PDE4B: variants seen among roughly 807,000 people sequenced by gnomAD.
PDE4B encodes phosphodiesterase 4B.
PDE4B carries 20 observed loss-of-function variants against 82.2 expected under a neutral mutation model. That is an observed-to-expected ratio of 0.24 (90% CI 0.17 to 0.35). The LOEUF is 0.35. PDE4B is among the 10% of genes least tolerant of loss of function. PDE4B has a pLI of 1.00. For synonymous variants in PDE4B, 320 were observed against 318.9 expected (o/e 1.00, Z -0.04); for missense variants, 655 against 907.2 (o/e 0.72, Z 3.57).
intron 1 of PDE4B, among the ~76,000 whole-genome samples, chr1:65,830,008 A>G (rs1342799474): frequency 6.6e-6 from 1 of 152,132 alleles, no homozygotes; most frequent in Non-Finnish European, 1.5e-5. Context: ...GGAACAAGGG[A>G]CTCTTAAGAC....
At chr1:65,879,721 T>A (rs1646689084) in intron 1 of PDE4B, among the ~76,000 whole-genome samples, 1 of 152,178 alleles carries the variant, frequency 6.6e-6, no homozygotes, top group Non-Finnish European at 1.5e-5. Context: ...ATAGCTGTAG[T>A]ACAAGGAATA....
chr1:66,006,799 G>A lies in PDE4B; in HGVS notation c.281+87964G>A, dbSNP rs566304732. On this transcript the variant is annotated intron_variant, in intron 3 of 16. Coordinates refer to ENST00000341517, the MANE Select transcript of PDE4B (RefSeq NM_002600.4). ...TTCCTGCAATCATGTGAAGAAGGAC[G>A]TGTTTGCTTCCTCTTCTGCCATGAT... Among the ~76,000 whole-genome samples the A allele has an allele frequency of 2.6e-5, 4 of 152,114 alleles. No homozygotes were observed. In the South Asian group the frequency reaches 6.2e-4, roughly 24 times the overall value.
intron 1 of PDE4B, among the ~76,000 whole-genome samples, chr1:65,838,369 A>T (rs1287748542): frequency 6.6e-6 from 1 of 151,860 alleles, no homozygotes; most frequent in East Asian, 1.9e-4. Context: ...GTAGAAACAC[A>T]CTTTCAAGCC....
At chr1:65,973,631 A>T (rs543978484) in intron 3 of PDE4B, among the ~76,000 whole-genome samples, 2 of 152,200 alleles carry the variant, frequency 1.3e-5, no homozygotes, top group Non-Finnish European at 2.9e-5. Flanking sequence ...AGAAGACTGC[A>T]GGAAGGTATT....
Position 66,372,553 on chromosome 1 carries a change from G to C in PDE4B, c.2086G>C (p.Gly696Arg). 1 of 1,614,148 alleles carries C rather than the reference G, an allele frequency of 6.2e-7. No individual in the cohort carries two copies. Among genetic ancestry groups the C allele is most frequent in the Non-Finnish European group, 8.5e-7 (1 of 1,179,994 alleles). Residue 696 changes from glycine to arginine, a missense_variant, in exon 17 of 17, where the codon GGA (glycine) becomes CGA (arginine). Gly to Arg is a moderately radical substitution (Grantham distance 125). Around this residue, in one of 3 missense-constraint regions of PDE4B, gnomAD observed 119 missense variants for 115.2 expected, o/e 1.03. Coordinates refer to ENST00000341517, the MANE Select transcript of PDE4B (RefSeq NM_002600.4). ...AGATTCTGAAGGACCTGAGAAGGAG[G>C]GAGAGGGACACAGCTATTTCAGCAG... ...EEDSEGPEKE[G>R]EGHSYFSSTK...
At chr1:66,228,165 A>T (rs1651607956) in intron 3 of PDE4B, among the ~76,000 whole-genome samples, 1 of 152,166 alleles carries the variant, frequency 6.6e-6, no homozygotes, top group Non-Finnish European at 1.5e-5. Flanking sequence ...TGTCTTGTTA[A>T]CCTGACCACC....
At chr1:65,870,573 C>T (rs2100293472) in intron 1 of PDE4B, among the ~76,000 whole-genome samples, 1 of 152,162 alleles carries the variant, frequency 6.6e-6, no homozygotes, top group East Asian at 1.9e-4. Flanking sequence ...ATTGATGGCA[C>T]TCCTTAATAA....
intron 3 of PDE4B, among the ~76,000 whole-genome samples, chr1:65,987,222 G>C (rs575917266): frequency 5.4e-4 from 82 of 152,234 alleles, no homozygotes; most frequent in South Asian, 1.2e-3. Flanking sequence ...AAGCATCTAG[G>C]ATACAAGCCT....
intron 3 of PDE4B, among the ~76,000 whole-genome samples, chr1:65,923,754 A>T (rs974894860): frequency 1.3e-5 from 2 of 152,056 alleles, no homozygotes; most frequent in African/African-American, 4.8e-5. Context: ...TAATCTGTCA[A>T]TTGTTTTTTG....
intron 3 of PDE4B, among the ~76,000 whole-genome samples, chr1:66,189,301 A>T (rs1647510349): frequency 6.6e-6 from 1 of 151,942 alleles, no homozygotes; most frequent in African/African-American, 2.4e-5. Context: ...GAATCTGACA[A>T]TTATATGTCT....
At chr1:65,845,977 C>A (rs893023617) in intron 1 of PDE4B, among the ~76,000 whole-genome samples, 9 of 152,178 alleles carry the variant, frequency 5.9e-5, no homozygotes, top group Non-Finnish European at 1.3e-4. Flanking sequence ...TAAGCTGTGC[C>A]TGGCTGGCCG....
At chr1:65,958,335 ATAT>A (rs1649363742) in intron 3 of PDE4B, among the ~76,000 whole-genome samples, 1 of 152,016 alleles carries the variant, frequency 6.6e-6, no homozygotes, top group African/African-American at 2.4e-5. Flanking sequence ...TGGTCAAGAT[ATAT>A]TATTATGGTT....
At chr1:66,245,336 A>T (rs934878401) in intron 3 of PDE4B, among the ~76,000 whole-genome samples, 2 of 152,156 alleles carry the variant, frequency 1.3e-5, no homozygotes, top group African/African-American at 4.8e-5. Context: ...AAATACATGA[A>T]ATTTCTAAAC....
At chr1:66,295,749 A>G (rs1657466582) in intron 7 of PDE4B, among the ~76,000 whole-genome samples, 1 of 152,100 alleles carries the variant, frequency 6.6e-6, no homozygotes, top group Non-Finnish European at 1.5e-5. Flanking sequence ...TGTTTTAAAT[A>G]AATGCTGGCA....
At chr1:65,890,142 T>G (rs997371811) in intron 1 of PDE4B, among the ~76,000 whole-genome samples, 1 of 152,014 alleles carries the variant, frequency 6.6e-6, no homozygotes, top group Non-Finnish European at 1.5e-5. Flanking sequence ...AAATTTTTTT[T>G]TTTTTCCTAA....
intron 3 of PDE4B, among the ~76,000 whole-genome samples, chr1:66,126,842 A>G (rs1263157288): frequency 6.6e-6 from 1 of 152,250 alleles, no homozygotes; most frequent in Non-Finnish European, 1.5e-5. Context: ...TTCCACCTTA[A>G]CAAGGTGATA....
chr1:65,864,212 A>G (rs1646485495), intron 1 of PDE4B, among the ~76,000 whole-genome samples: 1 of 151,794 alleles, frequency 6.6e-6, no homozygotes, highest in Non-Finnish European at 1.5e-5. Flanking sequence ...AGCTCCACCG[A>G]GTCATTTATG....
At chr1:66,300,098 T>A (rs1657781545) in intron 7 of PDE4B, among the ~76,000 whole-genome samples, 1 of 152,186 alleles carries the variant, frequency 6.6e-6, no homozygotes, top group Non-Finnish European at 1.5e-5. Context: ...TTTACCTTCT[T>A]CAGCCATGTG....
intron 3 of PDE4B, among the ~76,000 whole-genome samples, chr1:66,136,671 C>T (rs4618944): frequency 2.1e-4 from 25 of 120,872 alleles, no homozygotes; most frequent in Non-Finnish European, 1.9e-4. Flanking sequence ...GCAATCCAGT[C>T]TGAACGACAG....
Sources: allele counts gnomAD v4.1 joint callset (sites outside exome capture counted in the v4.1 genomes callset), GRCh38; gene constraint gnomAD v4.1.1; regional missense constraint gnomAD v4.1.1; transcripts MANE v1.5; gene names NCBI Gene and HGNC (gene_info 2026-07-23, HGNC 2026-07-21).